The following FANK1 variants were observed in gnomAD, a reference collection of about 807,000 sequenced individuals.
FANK1 encodes the protein fibronectin type III and ankyrin repeat domains 1.
In FANK1, 44 loss-of-function variants were observed where a neutral mutation model predicts 45.3. The ratio of observed to expected loss-of-function variants is 0.97; its 90% CI spans 0.76 to 1.25. The LOEUF is 1.25. FANK1 is among the 50% of genes most tolerant of loss of function. The probability of loss-of-function intolerance (pLI) is 0.00; values close to 1 mark genes in which losing one functional copy is unlikely to be tolerated. For synonymous variants in FANK1, 149 were observed against 152.5 expected (o/e 0.98, Z 0.17); for missense variants, 391 against 424.4 (o/e 0.92, Z 0.69).
rs529238042 is a variant in FANK1 at position 125,982,314 on chromosome 10, G to C, written c.191+1976G>C. On this transcript the variant is annotated intron_variant, in intron 2 of 10. Transcript: ENST00000368693. ...CCATAGCTGCGTGTGCTGGCTTCCA[G>C]CCTGAGGTGTGTGTCTGTGTTGTCT... Among the ~76,000 whole-genome samples the C allele has an allele frequency of 3.7e-4, 56 of 152,342 alleles. No homozygotes were observed. The South Asian group carries it at 4.3e-3, about 12-fold the overall frequency.
chr10:125,993,089 G>C (rs1406047728), intron 3 of FANK1, among the ~76,000 whole-genome samples: 1 of 152,162 alleles, frequency 6.6e-6, no homozygotes, highest in Non-Finnish European at 1.5e-5. Flanking sequence ...CAGTCTTGTG[G>C]TTTGGAGGAG....
chr10:125,954,126 C>CAATCTAAGCAGAACCTGATTGGCTAAT, intron 1 of FANK1, among the ~76,000 whole-genome samples: 1 of 151,406 alleles, frequency 6.6e-6, no homozygotes, highest in African/African-American at 2.5e-5. Flanking sequence ...GATTGGCTAA[C>CAATCTAAGCAGAACCTGATTGGCTAAT]TTGAATGGTG....
chr10:125,933,087 T>C (rs2134144057), intron 1 of FANK1, among the ~76,000 whole-genome samples: 1 of 152,320 alleles, frequency 6.6e-6, no homozygotes, highest in Non-Finnish European at 1.5e-5. Context: ...TGATATGTTG[T>C]TGGATTTGGT....
At position 125,997,486 on chromosome 10, in the gene FANK1, G is replaced by A. The variant is rs1007820926; in HGVS notation, c.539+1G>A. 1.2e-6 allele frequency: 2 copies of A among 1,613,500 alleles called. No individual in the cohort carries two copies. The stretch of plus-strand genomic sequence containing the variant: ...TGAAGAATGGAAGTGGCAAGGACAG[G>A]TAGGAGGTGGGATATGACTGAAATT... On this transcript the variant is annotated splice_donor_variant, in intron 6 of 10. Transcript: ENST00000368693. LOFTEE classifies it high-confidence loss of function.
At chr10:125,957,396 G>A (rs1292429293) in intron 1 of FANK1, among the ~76,000 whole-genome samples, 1 of 151,826 alleles carries the variant, frequency 6.6e-6, no homozygotes, top group Admixed American at 6.6e-5. Context: ...TTGTTACTTT[G>A]TGTAGATCCA....
intron 1 of FANK1, among the ~76,000 whole-genome samples, chr10:125,917,488 A>C (rs1384200029): frequency 6.6e-6 from 1 of 152,170 alleles, no homozygotes; most frequent in Non-Finnish European, 1.5e-5. Context: ...ATAAAACCTA[A>C]TTTGTAATTT....
chr10:125,948,192 A>G (rs1948946990), intron 1 of FANK1, among the ~76,000 whole-genome samples: 1 of 148,576 alleles, frequency 6.7e-6, no homozygotes, highest in Admixed American at 6.7e-5. Context: ...CCCTAACATC[A>G]CAATTAAAAG....
intron 2 of FANK1, chr10:125,980,545 T>G (rs1043258207): frequency 1.4e-5 from 7 of 513,176 alleles, no homozygotes; most frequent in Non-Finnish European, 2.0e-5. Flanking sequence ...TTTGAGAGCT[T>G]CTTTGACTTC....
intron 1 of FANK1, among the ~76,000 whole-genome samples, chr10:125,926,666 T>C (rs192361671): frequency 1.3e-5 from 2 of 152,068 alleles, no homozygotes; most frequent in East Asian, 1.9e-4. Context: ...TTACTTCTAT[T>C]GTTTTATACG....
At chr10:125,950,642 G>T (rs1278376684) in intron 1 of FANK1, among the ~76,000 whole-genome samples, 1 of 152,166 alleles carries the variant, frequency 6.6e-6, no homozygotes, top group Non-Finnish European at 1.5e-5. Flanking sequence ...TACACTGTTG[G>T]TGGGACTGTA....
In FANK1 at chr10:125,963,526, A is replaced by G. The variant is rs191942546; in HGVS notation, c.14-16635A>G. Among the ~76,000 whole-genome samples the G allele has an allele frequency of 9.6e-4, 147 of 152,356 alleles. 1 individual carries two copies. Among genetic ancestry groups the G allele is most frequent in the African/African-American group, 3.5e-3 (144 of 41,580 alleles). ...GTCCAACCATAGACTGGATTAAGAAAATGTGGCACATATACACCATGGAAT... is the reference window on the plus strand; with the variant it reads ...GTCCAACCATAGACTGGATTAAGAAGATGTGGCACATATACACCATGGAAT... On this transcript the variant is annotated intron_variant, in intron 1 of 10. Transcript: ENST00000368693.
intron 1 of FANK1, among the ~76,000 whole-genome samples, chr10:125,930,236 T>C (rs938874395): frequency 4.6e-5 from 7 of 151,794 alleles, no homozygotes; most frequent in Non-Finnish European, 1.0e-4. Context: ...AGAGATGGGG[T>C]TTCACCATGT....
chr10:125,952,331 G>A (rs902595008), intron 1 of FANK1, among the ~76,000 whole-genome samples: 1 of 152,064 alleles, frequency 6.6e-6, no homozygotes, highest in African/African-American at 2.4e-5. Context: ...TAAAACTTTG[G>A]TGTTTGGGTG....
At chr10:125,956,407 T>C (rs975226985) in intron 1 of FANK1, among the ~76,000 whole-genome samples, 1 of 152,178 alleles carries the variant, frequency 6.6e-6, no homozygotes, top group Non-Finnish European at 1.5e-5. Flanking sequence ...CCTCCAAATA[T>C]AATGCAAGTT....
intron 1 of FANK1, among the ~76,000 whole-genome samples, chr10:125,926,886 A>T (rs201147657): frequency 3.4e-5 from 5 of 146,942 alleles, no homozygotes; most frequent in East Asian, 2.1e-4. Flanking sequence ...AATTTTTTTT[A>T]TTGTGGTATA....
intron 1 of FANK1, among the ~76,000 whole-genome samples, chr10:125,962,184 A>AG (rs745844131): frequency 3.9e-5 from 6 of 152,214 alleles, no homozygotes; most frequent in Non-Finnish European, 5.9e-5. Context: ...CTCTGCTGTC[A>AG]GCTTACATGC....
intron 1 of FANK1, among the ~76,000 whole-genome samples, chr10:125,965,724 A>AT (rs1950171197): frequency 6.6e-6 from 1 of 152,158 alleles, no homozygotes; most frequent in South Asian, 2.1e-4. Context: ...GTCCTGTATG[A>AT]TTTTTTGCTT....
At chr10:125,925,867 G>A (rs979844265) in intron 1 of FANK1, among the ~76,000 whole-genome samples, 2 of 152,162 alleles carry the variant, frequency 1.3e-5, no homozygotes, top group African/African-American at 2.4e-5. Flanking sequence ...TGTATAGATG[G>A]TGAGTGGTGT....
intron 1 of FANK1, among the ~76,000 whole-genome samples, chr10:125,958,161 T>C (rs966841423): frequency 1.3e-5 from 2 of 152,172 alleles, no homozygotes; most frequent in African/African-American, 2.4e-5. Context: ...TATCTAGCTG[T>C]AATTTTGTAT....
Sources: gnomAD v4.1 joint callset for allele counts (sites outside exome capture counted in the v4.1 genomes callset) on GRCh38, gnomAD v4.1.1 for gene constraint, MANE v1.5 for transcripts, NCBI Gene and HGNC (gene_info 2026-07-23, HGNC 2026-07-21) for gene names.